ZMAT4: variants seen among roughly 807,000 people sequenced by gnomAD.
ZMAT4 encodes zinc finger matrin-type 4, also known as zinc finger matrin-type protein 4.
A neutral mutation model predicts 28.7 loss-of-function variants in ZMAT4; 17 were observed. That is an observed-to-expected ratio of 0.59 (90% CI 0.41 to 0.89). The LOEUF (loss-of-function observed/expected upper bound fraction) is 0.89. Among genes scored for constraint, ZMAT4 ranks in the 40% least tolerant of loss-of-function variants. ZMAT4 has a pLI of 0.00. For synonymous variants in ZMAT4, 117 were observed against 109.2 expected (o/e 1.07, Z -0.44); for missense variants, 240 against 283.8 (o/e 0.85, Z 1.11).
chr8:40,631,811 C>T (rs1253704364), intron 5 of ZMAT4, among the ~76,000 whole-genome samples: 1 of 152,164 alleles, frequency 6.6e-6, no homozygotes, highest in Non-Finnish European at 1.5e-5. Flanking sequence ...GGTAGGAGAG[C>T]TATGCTGTAA....
At chr8:40,793,451 T>A (rs1361430736) in intron 2 of ZMAT4, among the ~76,000 whole-genome samples, 3 of 152,170 alleles carry the variant, frequency 2.0e-5, no homozygotes, top group Non-Finnish European at 4.4e-5. Flanking sequence ...TCCATCGATT[T>A]TCCAATCGGG....
chr8:40,533,852 G>T (rs1247201560), intron 6 of ZMAT4, among the ~76,000 whole-genome samples: 2 of 152,194 alleles, frequency 1.3e-5, no homozygotes, highest in Non-Finnish European at 2.9e-5. Flanking sequence ...ATGACCTAAA[G>T]AAATTCAACA....
chr8:40,757,714 C>G (rs1812754790), intron 3 of ZMAT4, among the ~76,000 whole-genome samples: 1 of 151,958 alleles, frequency 6.6e-6, no homozygotes, highest in South Asian at 2.1e-4. Context: ...AATGAATTAC[C>G]TCTTGCGATG....
intron 1 of ZMAT4, among the ~76,000 whole-genome samples, chr8:40,864,448 C>T (rs1320434020): frequency 6.6e-6 from 1 of 152,110 alleles, no homozygotes; most frequent in African/African-American, 2.4e-5. Flanking sequence ...GACAGGTGAC[C>T]AGGATGGCAC....
intron 5 of ZMAT4, among the ~76,000 whole-genome samples, chr8:40,647,307 G>T (rs1346576845): frequency 6.6e-6 from 1 of 152,196 alleles, no homozygotes; most frequent in Admixed American, 6.5e-5. Flanking sequence ...TCAAAGAAAG[G>T]GGTGACAGAC....
At chr8:40,534,388 T>A (rs1802782605) in intron 6 of ZMAT4, among the ~76,000 whole-genome samples, 2 of 152,190 alleles carry the variant, frequency 1.3e-5, no homozygotes, top group African/African-American at 4.8e-5. Context: ...AAGAAAATTC[T>A]TTTTCATCTG....
intron 5 of ZMAT4, among the ~76,000 whole-genome samples, chr8:40,629,734 A>T (rs190820503): frequency 6.6e-6 from 1 of 151,936 alleles, no homozygotes; most frequent in Non-Finnish European, 1.5e-5. Flanking sequence ...AAGGACATGA[A>T]CTCATCATTT....
intron 1 of ZMAT4, among the ~76,000 whole-genome samples, chr8:40,872,015 A>G (rs761229935): frequency 6.6e-6 from 1 of 152,220 alleles, no homozygotes; most frequent in Non-Finnish European, 1.5e-5. Context: ...GATATCTGAA[A>G]TCAGGGCCAA....
At chr8:40,625,503 GT>G (rs1806341434) in intron 5 of ZMAT4, among the ~76,000 whole-genome samples, 2 of 152,114 alleles carry the variant, frequency 1.3e-5, no homozygotes, top group Admixed American at 6.5e-5. Flanking sequence ...TGGCCAAATT[GT>G]GGGTCTATTT....
intron 2 of ZMAT4, among the ~76,000 whole-genome samples, chr8:40,814,086 G>A (rs144872615): frequency 1.8e-4 from 27 of 152,014 alleles, no homozygotes; most frequent in African/African-American, 5.8e-4. Flanking sequence ...GTGCAGTTAC[G>A]CATTCGTAGG....
chr8:40,715,294 G>C lies in ZMAT4; in HGVS notation c.193-17893C>G, dbSNP rs546490450. 2.0e-5 allele frequency among the ~76,000 whole-genome samples: 3 copies of C among 152,128 alleles called. No homozygotes were observed. The South Asian group carries it at 6.2e-4, about 32-fold the overall frequency. On this transcript the variant is annotated intron_variant, in intron 3 of 6. Coordinates refer to ENST00000297737, the MANE Select transcript of ZMAT4 (RefSeq NM_024645.3). ...TGAGCTCAGGCAGTGATGGGGAAATGATAACTACCAAACAGAGCCTTATAG... is the reference window on the plus strand; with the variant it reads ...TGAGCTCAGGCAGTGATGGGGAAATCATAACTACCAAACAGAGCCTTATAG...
chr8:40,596,494 A>G (rs1274575907), intron 5 of ZMAT4, among the ~76,000 whole-genome samples: 1 of 152,214 alleles, frequency 6.6e-6, no homozygotes, highest in Non-Finnish European at 1.5e-5. Flanking sequence ...TGATTTTTAA[A>G]AAATTTATAA....
chr8:40,644,672 C>T (rs777594805), intron 5 of ZMAT4, among the ~76,000 whole-genome samples: 3 of 152,054 alleles, frequency 2.0e-5, no homozygotes, highest in Non-Finnish European at 4.4e-5. Context: ...ATATAACTCC[C>T]CACTCCTTAA....
chr8:40,648,421 ATGTGAAAAGAC>A (rs1202552504), intron 5 of ZMAT4, among the ~76,000 whole-genome samples: 8 of 150,760 alleles, frequency 5.3e-5, no homozygotes, highest in Admixed American at 2.0e-4. Flanking sequence ...ATATGGGACT[ATGTGAAAAGAC>A]CAAATCTACG....
chr8:40,593,103 G>A (rs897564720), intron 5 of ZMAT4, among the ~76,000 whole-genome samples: 14 of 152,158 alleles, frequency 9.2e-5, no homozygotes, highest in South Asian at 6.2e-4. Context: ...TCATAGATAC[G>A]AAATGTGTTT....
intron 2 of ZMAT4, among the ~76,000 whole-genome samples, chr8:40,817,045 TA>T (rs112924953): frequency 6.6e-6 from 1 of 152,106 alleles, no homozygotes. Context: ...CTTGCTTTTT[TA>T]AGATAATCTT....
intron 5 of ZMAT4, among the ~76,000 whole-genome samples, chr8:40,601,642 A>AAAGCAGGC (rs1805371983): frequency 2.5e-5 from 1 of 40,098 alleles, no homozygotes; most frequent in African/African-American, 9.3e-5. Flanking sequence ...AAGAGAAAGA[A>AAAGCAGGC]AGAAAGAAAG....
chr8:40,822,128 T>G (rs1001232045), intron 2 of ZMAT4, among the ~76,000 whole-genome samples: 1 of 152,198 alleles, frequency 6.6e-6, no homozygotes, highest in Non-Finnish European at 1.5e-5. Flanking sequence ...CGTCAGTAGC[T>G]CCTTAAAAGC....
chr8:40,686,130 G>A (rs1019241424), intron 4 of ZMAT4, among the ~76,000 whole-genome samples: 2 of 152,146 alleles, frequency 1.3e-5, no homozygotes, highest in Admixed American at 6.5e-5. Context: ...ACCTCAAGGA[G>A]CTTAAAGTCT....
Sources: gnomAD v4.1 joint callset for allele counts (sites outside exome capture counted in the v4.1 genomes callset) on GRCh38, gnomAD v4.1.1 for gene constraint, MANE v1.5 for transcripts, NCBI Gene and HGNC (gene_info 2026-07-23, HGNC 2026-07-21) for gene names.